Variants in SORCS2 observed in about 807,000 individuals in gnomAD.
The protein encoded by SORCS2 is VPS10 domain-containing receptor SorCS2.
Under a neutral mutation model 141.6 loss-of-function variants are expected in SORCS2, and 100 were observed. That is an observed-to-expected ratio of 0.71 (90% CI 0.60 to 0.83). The LOEUF (loss-of-function observed/expected upper bound fraction) is 0.83, where lower values mean the gene tolerates loss of function less well. Among genes scored for constraint, SORCS2 ranks in the 40% least tolerant of loss-of-function variants. SORCS2 has a pLI of 0.00. For synonymous variants in SORCS2, 789 were observed against 676.9 expected (o/e 1.17, Z -2.57); for missense variants, 1,646 against 1,560.2 (o/e 1.05, Z -0.93).
intron 2 of SORCS2, among the ~76,000 whole-genome samples, chr4:7,487,140 T>A (rs1197551618): frequency 2.0e-5 from 3 of 152,146 alleles, no homozygotes; most frequent in African/African-American, 7.2e-5. Context: ...TGACTCACCC[T>A]CCATGTGCGT....
intron 8 of SORCS2, among the ~76,000 whole-genome samples, chr4:7,672,770 G>C (rs1722871726): frequency 6.6e-6 from 1 of 152,106 alleles, no homozygotes; most frequent in African/African-American, 2.4e-5. Context: ...TTGCTTCCCA[G>C]CTAAAAGACT....
At chr4:7,617,469 G>A (rs924569960) in intron 3 of SORCS2, among the ~76,000 whole-genome samples, 4 of 152,118 alleles carry the variant, frequency 2.6e-5, no homozygotes, top group African/African-American at 9.7e-5. Context: ...AGGGGTGTGG[G>A]GTGTGCATAG....
At chr4:7,373,849 T>C (rs1722437790) in intron 1 of SORCS2, among the ~76,000 whole-genome samples, 1 of 152,112 alleles carries the variant, frequency 6.6e-6, no homozygotes, top group African/African-American at 2.4e-5. Flanking sequence ...AAAAATTTCC[T>C]CCCAGTCTGT....
chr4:7,495,055 G>A (rs980789174), intron 2 of SORCS2, among the ~76,000 whole-genome samples: 2 of 152,250 alleles, frequency 1.3e-5, no homozygotes, highest in African/African-American at 4.8e-5. Flanking sequence ...GAGAGGCAGA[G>A]CAAGGCCCTG....
At chr4:7,651,000 C>G (rs1241229706) in intron 4 of SORCS2, among the ~76,000 whole-genome samples, 1 of 152,134 alleles carries the variant, frequency 6.6e-6, no homozygotes, top group Non-Finnish European at 1.5e-5. Context: ...CCCCTACCCC[C>G]AGAGGGGCAG....
At chr4:7,350,492 C>T (rs768368802) in intron 1 of SORCS2, among the ~76,000 whole-genome samples, 80 of 152,230 alleles carry the variant, frequency 5.3e-4, no homozygotes, top group Non-Finnish European at 1.1e-3. Context: ...CTAGATGGGA[C>T]ACTCCCAAAG....
At chr4:7,639,815 G>A (rs1323534758) in intron 4 of SORCS2, among the ~76,000 whole-genome samples, 1 of 151,630 alleles carries the variant, frequency 6.6e-6, no homozygotes, top group Non-Finnish European at 1.5e-5. Context: ...GTGTTTGAGT[G>A]TGAGGGTGTG....
At chr4:7,597,145 A>G (rs1184777250) in intron 3 of SORCS2, among the ~76,000 whole-genome samples, 1 of 150,570 alleles carries the variant, frequency 6.6e-6, no homozygotes, top group African/African-American at 2.5e-5. Context: ...GGAGGGGACT[A>G]TCCAATAGGG....
At chr4:7,657,680 GTGAC>G (rs1721872793) in intron 5 of SORCS2, among the ~76,000 whole-genome samples, 4 of 151,832 alleles carry the variant, frequency 2.6e-5, no homozygotes, top group South Asian at 2.1e-4. Flanking sequence ...TAGTGAATGA[GTGAC>G]TGAGTCTGTG....
intron 1 of SORCS2, among the ~76,000 whole-genome samples, chr4:7,272,497 T>C (rs1403197754): frequency 2.0e-5 from 3 of 152,242 alleles, no homozygotes; most frequent in Non-Finnish European, 4.4e-5. Flanking sequence ...CAGTTTCTTT[T>C]TGTAAATGCA....
At chr4:7,194,571 AG>A (rs35837660) in intron 1 of SORCS2, among the ~76,000 whole-genome samples, 1 of 152,112 alleles carries the variant, frequency 6.6e-6, no homozygotes, top group South Asian at 2.1e-4. Flanking sequence ...CAGCCCTTGG[AG>A]GGGAGAGCTG....
chr4:7,740,946 C>A lies in SORCS2; in HGVS notation c.*682C>A. On this transcript the variant is annotated 3_prime_UTR_variant, in exon 27 of 27. Coordinates refer to ENST00000507866, the MANE Select transcript of SORCS2 (RefSeq NM_020777.3). ...CTCGGGAGCCCCTTTCCCTGAGTGC[C>A]CAGGGTGTCTCCTCTGCCCAGAGGG... The A allele has an allele frequency of 2.5e-6, 1 of 398,210 alleles. No individual in the cohort carries two copies. Among genetic ancestry groups the A allele is most frequent in the Non-Finnish European group, 4.4e-6 (1 of 226,428 alleles). 24.7% of individuals were successfully genotyped at this position (398,210 alleles called of 1,614,324 possible).
chr4:7,278,308 C>T (rs527651197), intron 1 of SORCS2, among the ~76,000 whole-genome samples: 22 of 152,314 alleles, frequency 1.4e-4, no homozygotes, highest in African/African-American at 4.8e-4. Context: ...TGATGTCTGC[C>T]TGGTTGGGAC....
At chr4:7,365,737 G>A (rs558623632) in intron 1 of SORCS2, among the ~76,000 whole-genome samples, 1 of 152,256 alleles carries the variant, frequency 6.6e-6, no homozygotes, top group South Asian at 2.1e-4. Context: ...TGCAATTTAT[G>A]GTCACTCTTT....
At chr4:7,381,755 A>G (rs542105779) in intron 1 of SORCS2, 1 of 181,452 alleles carries the variant, frequency 5.5e-6, no homozygotes, top group African/African-American at 2.4e-5. Flanking sequence ...CACCCAGCCC[A>G]CTGACATTCC....
At chr4:7,313,553 C>T (rs201773070) in intron 1 of SORCS2, among the ~76,000 whole-genome samples, 5 of 152,204 alleles carry the variant, frequency 3.3e-5, no homozygotes, top group African/African-American at 7.2e-5. Flanking sequence ...GGGCTGAGCC[C>T]GGGGACAGAC....
chr4:7,579,717 G>A (rs957893882), intron 3 of SORCS2, among the ~76,000 whole-genome samples: 3 of 152,194 alleles, frequency 2.0e-5, no homozygotes, highest in African/African-American at 7.2e-5. Context: ...GAAGCATTCA[G>A]TGTGCAGAGG....
At chr4:7,482,978 T>G (rs1175217213) in intron 2 of SORCS2, among the ~76,000 whole-genome samples, 1 of 152,154 alleles carries the variant, frequency 6.6e-6, no homozygotes, top group East Asian at 1.9e-4. Context: ...TAAGGGCAGG[T>G]CCTACTGGAG....
chr4:7,694,998 C>T (rs146620713), intron 11 of SORCS2, among the ~76,000 whole-genome samples: 27 of 152,012 alleles, frequency 1.8e-4, no homozygotes, highest in East Asian at 7.9e-4. Context: ...TTCACCTGCA[C>T]GGCCACCCTT....
Sources: allele counts gnomAD v4.1 joint callset (sites outside exome capture counted in the v4.1 genomes callset), GRCh38; gene constraint gnomAD v4.1.1; transcripts MANE v1.5; gene names NCBI Gene and HGNC (gene_info 2026-07-23, HGNC 2026-07-21).